EPHA5: variants seen among roughly 807,000 people sequenced by gnomAD.
The protein encoded by EPHA5 is ephrin type-A receptor 5.
A neutral mutation model predicts 105.0 loss-of-function variants in EPHA5; 60 were observed. That is an observed-to-expected ratio of 0.57 (90% CI 0.46 to 0.71). The LOEUF (loss-of-function observed/expected upper bound fraction) is 0.71. EPHA5 is among the 30% of genes least tolerant of loss of function. The pLI, the probability that EPHA5 is intolerant of heterozygous loss-of-function variation, is 0.00. For synonymous variants in EPHA5, 513 were observed against 449.1 expected (o/e 1.14, Z -1.80); for missense variants, 1,218 against 1,274.7 (o/e 0.96, Z 0.68).
chr4:65,470,064 CAA>C (rs1457751209), intron 5 of EPHA5, among the ~76,000 whole-genome samples: 2 of 152,060 alleles, frequency 1.3e-5, no homozygotes, highest in Non-Finnish European at 2.9e-5. Context: ...ACAAAATAAA[CAA>C]GAGTTATTTT....
intron 7 of EPHA5, among the ~76,000 whole-genome samples, chr4:65,407,713 A>G (rs1449391517): frequency 6.6e-6 from 1 of 150,748 alleles, no homozygotes; most frequent in Non-Finnish European, 1.5e-5. Flanking sequence ...TATTATTATT[A>G]TTTTAAATTT....
At chr4:65,474,335 G>A (rs959837877) in intron 5 of EPHA5, among the ~76,000 whole-genome samples, 10 of 151,994 alleles carry the variant, frequency 6.6e-5, no homozygotes, top group Admixed American at 5.9e-4. Flanking sequence ...ATAAACACAA[G>A]CTCTATAAAT....
chr4:65,441,100 T>C (rs565712362), intron 5 of EPHA5, among the ~76,000 whole-genome samples: 1 of 152,238 alleles, frequency 6.6e-6, no homozygotes, highest in South Asian at 2.1e-4. Context: ...TAAAGATGGA[T>C]AATCCCTGTC....
chr4:65,556,794 CTA>C (rs949937052), intron 3 of EPHA5, among the ~76,000 whole-genome samples: 2 of 152,024 alleles, frequency 1.3e-5, no homozygotes, highest in African/African-American at 2.4e-5. Context: ...TAAAATTGCT[CTA>C]TGATATGTTA....
Position 65,365,809 on chromosome 4 carries a change from T to C in EPHA5, c.1987+123A>G, listed in dbSNP as rs778316641. 8.7e-5 allele frequency: 83 copies of C among 959,290 alleles called. 1 individual carries two copies. The Middle Eastern group carries it at 1.8e-3, about 20-fold the overall frequency. The allele number at this position is 959,290 out of a possible 1,614,324, so 59.4% of individuals were successfully genotyped here. ...GTATTAAAATGTGATCAGTTACATA[T>C]CACTTTGAATGCAAGCCAATTAGAA... is the stretch of plus-strand genomic sequence containing the variant. On this transcript the variant is annotated intron_variant, in intron 10 of 16. Coordinates refer to ENST00000613740, the MANE Select transcript of EPHA5 (RefSeq NM_001281766.3).
chr4:65,512,116 G>A (rs1733684363), intron 3 of EPHA5, among the ~76,000 whole-genome samples: 1 of 152,138 alleles, frequency 6.6e-6, no homozygotes, highest in Admixed American at 6.6e-5. Flanking sequence ...GGAATGAAAA[G>A]AGGGTCATAG....
chr4:65,495,280 T>C lies in EPHA5; in HGVS notation c.1066+108A>G, dbSNP rs1731809080. 9 of 1,190,598 alleles carry C rather than the reference T, an allele frequency of 7.6e-6. No individual in the cohort carries two copies. In the East Asian group the frequency reaches 1.2e-4, roughly 16 times the overall value. 73.8% of individuals were successfully genotyped at this position (1,190,598 alleles called of 1,614,324 possible). A position where few individuals can be genotyped will look rare whatever the true frequency, so the allele number is the denominator to read the frequency against. On this transcript the variant is annotated intron_variant, in intron 4 of 16. Coordinates refer to ENST00000613740, the MANE Select transcript of EPHA5 (RefSeq NM_001281766.3). ...AAACTGTATAGAGATGATTAAACAT[T>C]ATGTCTGTTTTAGGGGGAAATGTTA...
At chr4:65,560,482 ATCT>A (rs984254703) in intron 3 of EPHA5, among the ~76,000 whole-genome samples, 1 of 152,074 alleles carries the variant, frequency 6.6e-6, no homozygotes, top group Non-Finnish European at 1.5e-5. Flanking sequence ...GAAATATGAC[ATCT>A]TCTCCTGATG....
chr4:65,574,655 CATAT>C (rs1462938958), intron 3 of EPHA5, among the ~76,000 whole-genome samples: 1 of 89,308 alleles, frequency 1.1e-5, no homozygotes, highest in African/African-American at 4.1e-5. Flanking sequence ...TATATATACA[CATAT>C]ATATATACAC....
At chr4:65,650,945 T>C (rs1235870259) in intron 1 of EPHA5, among the ~76,000 whole-genome samples, 1 of 152,224 alleles carries the variant, frequency 6.6e-6, no homozygotes, top group Non-Finnish European at 1.5e-5. Context: ...TCCAGTTTTA[T>C]TCAAGTTTGT....
chr4:65,519,758 G>A (rs562808512), intron 3 of EPHA5, among the ~76,000 whole-genome samples: 57 of 152,170 alleles, frequency 3.7e-4, no homozygotes, highest in African/African-American at 1.3e-3. Flanking sequence ...GCAAAATCAT[G>A]AGTGAATGTC....
intron 3 of EPHA5, among the ~76,000 whole-genome samples, chr4:65,506,311 C>G (rs1046199353): frequency 6.6e-5 from 10 of 150,942 alleles, no homozygotes; most frequent in Non-Finnish European, 1.3e-4. Context: ...AATAAACATA[C>G]GTGTGCATGT....
At chr4:65,515,534 G>A (rs1172925999) in intron 3 of EPHA5, among the ~76,000 whole-genome samples, 1 of 152,052 alleles carries the variant, frequency 6.6e-6, no homozygotes. Context: ...CCAGTGACAA[G>A]ATCTTACACA....
At chr4:65,497,992 A>G (rs1233471088) in intron 3 of EPHA5, among the ~76,000 whole-genome samples, 1 of 151,972 alleles carries the variant, frequency 6.6e-6, no homozygotes, top group African/African-American at 2.4e-5. Context: ...AAAAGGAGCT[A>G]TAGCAGTAAA....
At chr4:65,531,237 C>T (rs924313749) in intron 3 of EPHA5, among the ~76,000 whole-genome samples, 5 of 150,688 alleles carry the variant, frequency 3.3e-5, no homozygotes, top group South Asian at 4.2e-4. Flanking sequence ...CGGGGTTTCA[C>T]CTTGTTAGCC....
intron 3 of EPHA5, chr4:65,573,479 G>A (rs1172942740): frequency 1.5e-6 from 2 of 1,367,212 alleles, no homozygotes; most frequent in Non-Finnish European, 9.9e-7. Flanking sequence ...AAAAAGTTTA[G>A]AAGCCAGATA....
chr4:65,607,269 G>A (rs1179969636), intron 2 of EPHA5, among the ~76,000 whole-genome samples: 1 of 151,840 alleles, frequency 6.6e-6, no homozygotes. Flanking sequence ...ATAGGCATGG[G>A]CAAATAATTC....
chr4:65,383,946 G>T (rs1220146062), intron 8 of EPHA5, among the ~76,000 whole-genome samples: 1 of 151,528 alleles, frequency 6.6e-6, no homozygotes, highest in African/African-American at 2.4e-5. Context: ...TCATATTCTG[G>T]AAAAATATAA....
At chr4:65,334,238 C>A (rs2148807547) in intron 15 of EPHA5, among the ~76,000 whole-genome samples, 1 of 151,956 alleles carries the variant, frequency 6.6e-6, no homozygotes, top group South Asian at 2.1e-4. Context: ...AGCACCTAGC[C>A]CACAGCATGA....
Sources: allele counts gnomAD v4.1 joint callset (sites outside exome capture counted in the v4.1 genomes callset), GRCh38; gene constraint gnomAD v4.1.1; transcripts MANE v1.5; gene names NCBI Gene and HGNC (gene_info 2026-07-23, HGNC 2026-07-21).